The following ATRNL1 variants were observed in gnomAD, a reference collection of about 807,000 sequenced individuals.
ATRNL1 encodes attractin like 1.
ATRNL1 carries 95 observed loss-of-function variants against 182.7 expected under a neutral mutation model. That is an observed-to-expected ratio of 0.52 (90% CI 0.44 to 0.62). The LOEUF is 0.62. Among genes scored for constraint, ATRNL1 ranks in the 20% least tolerant of loss-of-function variants. The pLI, the probability that ATRNL1 is intolerant of heterozygous loss-of-function variation, is 0.00. For missense variants in ATRNL1, 1,471 were observed against 1,679.5 expected, an observed-to-expected ratio of 0.88 and a Z score of 2.17; for synonymous variants, 576 against 568.3, an observed-to-expected ratio of 1.01 and a Z score of -0.19.
chr10:115,873,412 C>G (rs1951629556), intron 28 of ATRNL1, among the ~76,000 whole-genome samples: 1 of 152,160 alleles, frequency 6.6e-6, no homozygotes, highest in Admixed American at 6.5e-5. Flanking sequence ...GAGTGAGAAG[C>G]TATATACTGT....
intron 26 of ATRNL1, among the ~76,000 whole-genome samples, chr10:115,683,682 A>G (rs543424448): frequency 4.6e-5 from 7 of 151,516 alleles, no homozygotes; most frequent in African/African-American, 1.7e-4. Context: ...GTGCTGGAAA[A>G]TTCAACCCAA....
intron 28 of ATRNL1, among the ~76,000 whole-genome samples, chr10:115,933,289 G>A (rs1176519610): frequency 2.0e-5 from 3 of 152,186 alleles, no homozygotes; most frequent in African/African-American, 7.2e-5. Flanking sequence ...AGTGTTTTTG[G>A]CATCATAGAA....
intron 27 of ATRNL1, among the ~76,000 whole-genome samples, chr10:115,824,704 C>T (rs1442924762): frequency 1.3e-5 from 2 of 152,098 alleles, no homozygotes; most frequent in Non-Finnish European, 2.9e-5. Flanking sequence ...AAATGCAAAT[C>T]AAAACCACAA....
chr10:115,457,970 T>A (rs1847610025), intron 21 of ATRNL1, among the ~76,000 whole-genome samples: 1 of 152,176 alleles, frequency 6.6e-6, no homozygotes, highest in Non-Finnish European at 1.5e-5. Context: ...TAATTTTTCA[T>A]TTCTCTGTAT....
At chr10:115,866,377 A>C (rs1247028292) in intron 28 of ATRNL1, among the ~76,000 whole-genome samples, 2 of 152,214 alleles carry the variant, frequency 1.3e-5, no homozygotes, top group Non-Finnish European at 2.9e-5. Context: ...CAGAAACCAA[A>C]ACCAAAACAA....
chr10:115,283,845 A>G lies in ATRNL1; in HGVS notation c.2233+2358A>G, dbSNP rs1163417946. On this transcript the variant is annotated intron_variant, in intron 14 of 28. Transcript: ENST00000355044. Reference sequence around the variant, plus strand: ...AGTACTCATCTACTCATTCCCTAGGAAAAAAATGTTGCTTTGTTATAAAGG... The same window carrying G: ...AGTACTCATCTACTCATTCCCTAGGGAAAAAATGTTGCTTTGTTATAAAGG... Among the ~76,000 whole-genome samples, 3 of 152,186 alleles carry G rather than the reference A, an allele frequency of 2.0e-5. No individual in the cohort carries two copies. In the East Asian group the frequency reaches 5.8e-4, roughly 29 times the overall value.
chr10:115,764,474 C>T (rs1948808185), intron 27 of ATRNL1, among the ~76,000 whole-genome samples: 1 of 152,098 alleles, frequency 6.6e-6, no homozygotes, highest in South Asian at 2.1e-4. Flanking sequence ...CGTCCCCACA[C>T]CCACTCCTGC....
chr10:115,939,707 C>T (rs1462920741), intron 28 of ATRNL1, among the ~76,000 whole-genome samples: 1 of 152,080 alleles, frequency 6.6e-6, no homozygotes, highest in African/African-American at 2.4e-5. Flanking sequence ...ATTTGTGTGA[C>T]GTCTTGAAAA....
chr10:115,624,693 T>TC lies in ATRNL1; in HGVS notation c.3795+75162dup, dbSNP rs1409431635. Among the ~76,000 whole-genome samples, 13 of 152,146 alleles carry TC rather than the reference T, an allele frequency of 8.5e-5. No individual in the cohort carries two copies. In the South Asian group the frequency reaches 2.5e-3, roughly 29 times the overall value. ...TGCAAACCCTGCAAATGAGGACCCCTCCCCCACTGTTTGGACAGCTGACTG... is the reference window on the plus strand; with the variant it reads ...TGCAAACCCTGCAAATGAGGACCCCTCCCCCCACTGTTTGGACAGCTGACTG... On this transcript the variant is annotated intron_variant, in intron 26 of 28. Transcript: ENST00000355044.
At chr10:115,641,420 C>T (rs1859239980) in intron 26 of ATRNL1, among the ~76,000 whole-genome samples, 1 of 152,156 alleles carries the variant, frequency 6.6e-6, no homozygotes, top group Non-Finnish European at 1.5e-5. Flanking sequence ...ATAAAGAAGT[C>T]ACACATTGCC....
chr10:115,325,747 T>C (rs1246336619), intron 18 of ATRNL1, among the ~76,000 whole-genome samples: 3 of 152,190 alleles, frequency 2.0e-5, no homozygotes, highest in Non-Finnish European at 4.4e-5. Flanking sequence ...CAAGAGGTAT[T>C]ATAGATTACT....
chr10:115,746,776 T>C (rs1308758646), intron 27 of ATRNL1, among the ~76,000 whole-genome samples: 1 of 152,072 alleles, frequency 6.6e-6, no homozygotes, highest in Non-Finnish European at 1.5e-5. Flanking sequence ...TGATTTCTGC[T>C]GCTCTAACAA....
intron 1 of ATRNL1, among the ~76,000 whole-genome samples, chr10:115,110,279 A>G (rs1162130691): frequency 6.6e-6 from 1 of 152,160 alleles, no homozygotes; most frequent in African/African-American, 2.4e-5. Flanking sequence ...TGAGCCCTTT[A>G]AAAGCAGAGT....
At chr10:115,319,000 A>G (rs1456107023) in intron 18 of ATRNL1, among the ~76,000 whole-genome samples, 2 of 151,952 alleles carry the variant, frequency 1.3e-5, no homozygotes, top group African/African-American at 2.4e-5. Context: ...TCGATTTGAG[A>G]TCTTTCCAGC....
chr10:115,426,400 C>G, intron 21 of ATRNL1, 98 bp downstream of exon 21: 1 of 786,678 alleles, frequency 1.3e-6, no homozygotes, highest in Non-Finnish European at 2.0e-6. Context: ...TCATGAATAT[C>G]TTGCAATTTC....
intron 19 of ATRNL1, among the ~76,000 whole-genome samples, chr10:115,358,388 C>T (rs760467986): frequency 6.6e-6 from 1 of 151,600 alleles, no homozygotes; most frequent in African/African-American, 2.4e-5. Context: ...GCCCAGATAA[C>T]TTTTCTTGCT....
Position 115,828,901 on chromosome 10 carries a change from C to T in ATRNL1, c.3904-18976C>T, listed in dbSNP as rs939347936. 9.7e-4 allele frequency among the ~76,000 whole-genome samples: 147 copies of T among 152,254 alleles called. 1 individual carries two copies. Among genetic ancestry groups the T allele is most frequent in the Non-Finnish European group, 4.0e-4 (27 of 68,026 alleles). On this transcript the variant is annotated intron_variant, in intron 27 of 28. Coordinates refer to ENST00000355044, the MANE Select transcript of ATRNL1 (RefSeq NM_207303.4). ...AATTCCTCTTTAAAAAATGTAATGT[C>T]CCATTATTAGCCCTCTCCAAATTCC...
chr10:115,725,707 C>T (rs1026773540), intron 26 of ATRNL1, among the ~76,000 whole-genome samples: 4 of 150,796 alleles, frequency 2.7e-5, no homozygotes, highest in Admixed American at 6.7e-5. Flanking sequence ...TTACCAAAGA[C>T]GAAGAACCTG....
chr10:115,467,507 T>A (rs1326445777), intron 23 of ATRNL1, among the ~76,000 whole-genome samples: 5 of 150,842 alleles, frequency 3.3e-5, no homozygotes, highest in Non-Finnish European at 7.5e-5. Flanking sequence ...GTGGCAGTGT[T>A]ATAAAATGTG....
Sources: gnomAD v4.1 joint callset for allele counts (sites outside exome capture counted in the v4.1 genomes callset) on GRCh38, gnomAD v4.1.1 for gene constraint, MANE v1.5 for transcripts, NCBI Gene and HGNC (gene_info 2026-07-23, HGNC 2026-07-21) for gene names.